MAP7: variants seen among roughly 807,000 people sequenced by gnomAD.
MAP7 encodes the protein microtubule associated protein 7, also known as ensconsin.
Under a neutral mutation model 94.8 loss-of-function variants are expected in MAP7, and 52 were observed. The ratio of observed to expected loss-of-function variants is 0.55; its 90% CI spans 0.44 to 0.69. The LOEUF is 0.69. Ranked by LOEUF, MAP7 falls within the 30% of genes least tolerant of loss-of-function variation. The pLI is 0.00. For missense variants in MAP7, 940 were observed against 964.6 expected (o/e 0.97, Z 0.34); for synonymous variants, 350 against 357.0 (o/e 0.98, Z 0.22).
intron 3 of MAP7, among the ~76,000 whole-genome samples, chr6:136,408,779 T>C (rs1251988740): frequency 2.0e-5 from 3 of 152,174 alleles, no homozygotes; most frequent in African/African-American, 7.2e-5. Context: ...ACTTTTTTTC[T>C]TTTAAAAAAA....
chr6:136,508,250 G>C (rs1822179440), intron 1 of MAP7, among the ~76,000 whole-genome samples: 1 of 151,978 alleles, frequency 6.6e-6, no homozygotes, highest in Non-Finnish European at 1.5e-5. Flanking sequence ...GCTTGAGCCT[G>C]GGGAAGTGGA....
chr6:136,422,692 T>C (rs1371633098), intron 1 of MAP7, among the ~76,000 whole-genome samples: 1 of 152,232 alleles, frequency 6.6e-6, no homozygotes, highest in African/African-American at 2.4e-5. Context: ...CATTAAGCCA[T>C]TTGGATTAGT....
chr6:136,463,582 C>T (rs1232579406), intron 1 of MAP7, among the ~76,000 whole-genome samples: 1 of 152,074 alleles, frequency 6.6e-6, no homozygotes, highest in Non-Finnish European at 1.5e-5. Flanking sequence ...AATATAAAGT[C>T]AAAATTTTTA....
At chr6:136,411,827 G>C in intron 2 of MAP7, 130 bp from the exon 3 acceptor site, 1 of 694,360 alleles carries the variant, frequency 1.4e-6, no homozygotes, top group Non-Finnish European at 2.4e-6. Context: ...ACAACAATAA[G>C]TACATGTGAC....
chr6:136,530,368 T>C (rs757434828), intron 1 of MAP7, among the ~76,000 whole-genome samples: 8 of 152,224 alleles, frequency 5.3e-5, no homozygotes, highest in Non-Finnish European at 7.3e-5. Flanking sequence ...TTCGAAGAGA[T>C]GGTTAATTCT....
chr6:136,478,103 C>G (rs1383127728), intron 1 of MAP7, among the ~76,000 whole-genome samples: 2 of 152,028 alleles, frequency 1.3e-5, no homozygotes, highest in Non-Finnish European at 2.9e-5. Context: ...AATGAAAATG[C>G]AAACACATTA....
intron 1 of MAP7, among the ~76,000 whole-genome samples, chr6:136,497,450 T>G (rs1012453219): frequency 2.6e-5 from 4 of 151,664 alleles, no homozygotes; most frequent in Non-Finnish European, 5.9e-5. Flanking sequence ...CCCTGCCCCA[T>G]TTTGTCTTTG....
intron 1 of MAP7, among the ~76,000 whole-genome samples, chr6:136,538,859 T>C (rs1182016064): frequency 7.4e-6 from 1 of 135,088 alleles, no homozygotes; most frequent in Non-Finnish European, 1.6e-5. Context: ...CGTGATCACA[T>C]AACACAATCT....
At chr6:136,393,798 ATTTTT>A (rs61666828) in intron 3 of MAP7, among the ~76,000 whole-genome samples, 89 of 84,438 alleles carry the variant, frequency 1.1e-3, no homozygotes, top group African/African-American at 3.3e-3. Context: ...ATTCAGCAAA[ATTTTT>A]TTTTTTTTTT....
rs1286824731 is a variant in MAP7 at position 136,442,313 on chromosome 6, G to A, written c.68-20514C>T. Among the ~76,000 whole-genome samples, 3 of 147,086 alleles carry A rather than the reference G, an allele frequency of 2.0e-5. No individual in the cohort carries two copies. In the Admixed American group the frequency reaches 2.1e-4, roughly 10 times the overall value. On this transcript the variant is annotated intron_variant, in intron 1 of 17. Transcript: ENST00000354570. ...CCAGCTACCGGGGAGGCTGAGACAG[G>A]AGAACTGCTTGAACCCAGGAGGCAG...
chr6:136,480,950 C>A (rs905470962), intron 1 of MAP7, among the ~76,000 whole-genome samples: 1 of 152,022 alleles, frequency 6.6e-6, no homozygotes, highest in Non-Finnish European at 1.5e-5. Context: ...GATTTTGAAA[C>A]GGGCAAAAGG....
chr6:136,414,598 T>C (rs1465015502), intron 2 of MAP7, among the ~76,000 whole-genome samples: 1 of 152,062 alleles, frequency 6.6e-6, no homozygotes, highest in Non-Finnish European at 1.5e-5. Flanking sequence ...AACAATTACT[T>C]ATCACTTTAA....
At chr6:136,516,281 C>G (rs566909658) in intron 1 of MAP7, among the ~76,000 whole-genome samples, 2 of 152,076 alleles carry the variant, frequency 1.3e-5, no homozygotes, top group African/African-American at 4.8e-5. Flanking sequence ...CCCACCTCAG[C>G]CTCCGGAGTA....
chr6:136,457,331 C>T (rs1376044775), intron 1 of MAP7, among the ~76,000 whole-genome samples: 1 of 151,658 alleles, frequency 6.6e-6, no homozygotes, highest in Non-Finnish European at 1.5e-5. Flanking sequence ...AATCCCGCCC[C>T]CATCCCCTGC....
At chr6:136,452,431 A>C (rs1444490204) in intron 1 of MAP7, among the ~76,000 whole-genome samples, 4 of 152,248 alleles carry the variant, frequency 2.6e-5, no homozygotes, top group African/African-American at 9.6e-5. Context: ...ATCAAACAGC[A>C]TTGCATGCTG....
At chr6:136,364,630 G>T in intron 10 of MAP7, 1 of 197,916 alleles carries the variant, frequency 5.1e-6, no homozygotes, top group Non-Finnish European at 1.0e-5. Flanking sequence ...CGACTTCTGA[G>T]ACTGGGTCAT....
At chr6:136,406,269 T>C (rs1286409611) in intron 3 of MAP7, among the ~76,000 whole-genome samples, 1 of 152,216 alleles carries the variant, frequency 6.6e-6, no homozygotes, top group East Asian at 1.9e-4. Context: ...TCTCAGAATC[T>C]GCTCCAACAC....
intron 3 of MAP7, among the ~76,000 whole-genome samples, chr6:136,405,477 A>G (rs541051953): frequency 6.6e-6 from 1 of 152,348 alleles, no homozygotes; most frequent in South Asian, 2.1e-4. Flanking sequence ...GGTGGAGTGC[A>G]TTTGGCTGTA....
chr6:136,434,648 G>A (rs1251183600), intron 1 of MAP7, among the ~76,000 whole-genome samples: 2 of 139,890 alleles, frequency 1.4e-5, no homozygotes, highest in African/African-American at 5.3e-5. Context: ...ACATCAATAT[G>A]TCCCCAAATA....
Sources: gnomAD v4.1 joint callset for allele counts (sites outside exome capture counted in the v4.1 genomes callset) on GRCh38, gnomAD v4.1.1 for gene constraint, MANE v1.5 for transcripts, NCBI Gene and HGNC (gene_info 2026-07-23, HGNC 2026-07-21) for gene names.